The following PAH variants were observed in gnomAD, a reference collection of about 807,000 sequenced individuals.
The protein encoded by PAH is phenylalanine hydroxylase.
A neutral mutation model predicts 62.0 loss-of-function variants in PAH; 64 were observed. The observed-to-expected ratio is 1.03, with a 90% confidence interval of 0.84 to 1.27. The LOEUF (loss-of-function observed/expected upper bound fraction) is 1.27, where lower values mean the gene tolerates loss of function less well. Ranked by LOEUF, PAH falls within the 50% of genes most tolerant of loss-of-function variation. PAH has a pLI of 0.00. For missense variants in PAH, 579 were observed against 542.8 expected (o/e 1.07, Z -0.66); for synonymous variants, 195 against 196.2 (o/e 0.99, Z 0.05).
chr12:102,926,841 A>G (rs1014768823), intron 1 of PAH, among the ~76,000 whole-genome samples: 3 of 147,960 alleles, frequency 2.0e-5, no homozygotes, highest in Admixed American at 1.4e-4. Context: ...TGGTAGAAAT[A>G]TGACATAATA....
intron 2 of PAH, among the ~76,000 whole-genome samples, chr12:102,898,864 A>T (rs1877617556): frequency 6.6e-6 from 1 of 152,222 alleles, no homozygotes; most frequent in African/African-American, 2.4e-5. Context: ...AAACACAAAT[A>T]ATTAAAACCT....
chr12:102,932,838 A>C (rs867490363), intron 1 of PAH, among the ~76,000 whole-genome samples: 23 of 152,178 alleles, frequency 1.5e-4, no homozygotes, highest in African/African-American at 5.6e-4. Flanking sequence ...GTGAGTATGT[A>C]GTAGGTGTAT....
intron 5 of PAH, among the ~76,000 whole-genome samples, chr12:102,857,078 G>GA: frequency 6.6e-6 from 1 of 152,204 alleles, no homozygotes; most frequent in South Asian, 2.1e-4. Flanking sequence ...TAAAAACCTT[G>GA]AAAAAAGATT....
intron 3 of PAH, among the ~76,000 whole-genome samples, chr12:102,879,221 C>G (rs575726838): frequency 3.9e-5 from 6 of 152,144 alleles, no homozygotes; most frequent in African/African-American, 1.2e-4. Flanking sequence ...TCTGGTGGAG[C>G]ATTTCTGGTG....
chr12:102,841,030 A>G (rs1874572787), intron 11 of PAH, among the ~76,000 whole-genome samples: 1 of 152,186 alleles, frequency 6.6e-6, no homozygotes, highest in African/African-American at 2.4e-5. Context: ...GCTCTTTACA[A>G]ATATCCTTCC....
intron 1 of PAH, chr12:102,958,099 T>A (rs1879982017): frequency 9.2e-6 from 5 of 544,040 alleles, no homozygotes; most frequent in South Asian, 1.1e-4. Flanking sequence ...ATATATTTTT[T>A]AACTTCCGTC....
At chr12:102,927,489 G>T (rs539411264) in intron 1 of PAH, among the ~76,000 whole-genome samples, 1 of 152,108 alleles carries the variant, frequency 6.6e-6, no homozygotes, top group South Asian at 2.1e-4. Flanking sequence ...TAAGCATGGT[G>T]CCTGATGCAC....
chr12:102,925,716 A>G (rs1210304374), intron 1 of PAH, among the ~76,000 whole-genome samples: 2 of 152,168 alleles, frequency 1.3e-5, no homozygotes, highest in African/African-American at 2.4e-5. Context: ...CAACCCAGAA[A>G]TCTAAAGATC....
intron 8 of PAH, among the ~76,000 whole-genome samples, chr12:102,848,618 A>G (rs1718309): frequency 0.67 from 94,831 of 142,588 alleles, 31,830 homozygotes; most frequent in African/African-American, 0.8. Context: ...AGGGTAGACA[A>G]GACACCAGGA....
intron 4 of PAH, among the ~76,000 whole-genome samples, chr12:102,872,738 C>T (rs141121455): frequency 0.011 from 1,741 of 152,222 alleles, 45 homozygotes; most frequent in Non-Finnish European, 8.9e-3. Context: ...GAGGCTGAGG[C>T]GAGCGGATCA....
upstream of PAH, among the ~76,000 whole-genome samples, chr12:102,919,860 G>C (rs980701540): frequency 6.6e-6 from 1 of 152,046 alleles, no homozygotes; most frequent in African/African-American, 2.4e-5. Context: ...ATGGAGACTT[G>C]GGTTGCTTCC....
chr12:102,958,417 A>AGGC, upstream of PAH: 1 of 1,538,590 alleles, frequency 6.5e-7, no homozygotes, highest in South Asian at 1.2e-5. Flanking sequence ...CAGCAGCAGC[A>AGGC]GCAGCAGCAG....
chr12:102,902,433 C>T (rs1461050669), intron 2 of PAH, among the ~76,000 whole-genome samples: 1 of 152,172 alleles, frequency 6.6e-6, no homozygotes, highest in East Asian at 1.9e-4. Context: ...CACATTCTGG[C>T]AGCTGTTTTA....
chr12:102,943,160 T>C (rs551150546), intron 1 of PAH, among the ~76,000 whole-genome samples: 1 of 152,200 alleles, frequency 6.6e-6, no homozygotes, highest in South Asian at 2.1e-4. Flanking sequence ...GAGAAAATAT[T>C]TGCAAACTAC....
chr12:102,855,940 T>C (rs1189358481), intron 5 of PAH, among the ~76,000 whole-genome samples: 1 of 151,448 alleles, frequency 6.6e-6, no homozygotes. Context: ...TACATACTAA[T>C]TAAGATTCCA....
chr12:102,867,092 A>G (rs1876013805), intron 4 of PAH, among the ~76,000 whole-genome samples: 1 of 152,202 alleles, frequency 6.6e-6, no homozygotes, highest in Non-Finnish European at 1.5e-5. Context: ...TGCTCTTGCA[A>G]TTTTTAAAAA....
chr12:102,928,656 TC>T (rs1878755205), intron 1 of PAH, among the ~76,000 whole-genome samples: 2 of 152,166 alleles, frequency 1.3e-5, no homozygotes, highest in South Asian at 4.1e-4. Flanking sequence ...AGGCACATAT[TC>T]TGAGGTACAC....
intron 3 of PAH, among the ~76,000 whole-genome samples, chr12:102,880,864 C>G (rs1568795): frequency 0.38 from 58,022 of 151,606 alleles, 11,770 homozygotes; most frequent in Non-Finnish European, 0.44. Flanking sequence ...TTTTTAAATT[C>G]TTTTTAAAAA....
chr12:102,898,773 C>T (rs1000670501), intron 2 of PAH, among the ~76,000 whole-genome samples: 1 of 152,176 alleles, frequency 6.6e-6, no homozygotes, highest in Admixed American at 6.5e-5. Flanking sequence ...GTTTTTTAAC[C>T]ACACTGCCTT....
Sources: allele counts gnomAD v4.1 joint callset (sites outside exome capture counted in the v4.1 genomes callset), GRCh38; gene constraint gnomAD v4.1.1; transcripts MANE v1.5; gene names NCBI Gene and HGNC (gene_info 2026-07-23, HGNC 2026-07-21).